Variants in CFAP300 observed in about 807,000 individuals in gnomAD.
CFAP300 encodes cilia and flagella associated protein 300, also known as cilia- and flagella-associated protein 300.
Under a neutral mutation model 33.0 loss-of-function variants are expected in CFAP300, and 32 were observed. The observed-to-expected ratio is 0.97, with a 90% confidence interval of 0.73 to 1.30. CFAP300 has a LOEUF of 1.30. CFAP300 is among the 50% of genes most tolerant of loss of function. The probability of loss-of-function intolerance (pLI) is 0.00; values close to 1 mark genes in which losing one functional copy is unlikely to be tolerated. For synonymous variants in CFAP300, 102 were observed against 106.8 expected, an observed-to-expected ratio of 0.95 and a Z score of 0.28; for missense variants, 356 against 318.1, an observed-to-expected ratio of 1.12 and a Z score of -0.90.
intron 4 of CFAP300, among the ~76,000 whole-genome samples, chr11:102,072,790 G>A (rs1224251362): frequency 1.3e-5 from 2 of 152,078 alleles, no homozygotes; most frequent in East Asian, 1.9e-4. Context: ...TTTTTTAGGA[G>A]AAGACTTTTT....
Position 102,076,024 on chromosome 11 carries a change from T to C in CFAP300, c.587T>C (p.Leu196Pro). Residue 196 changes from leucine to proline, a missense_variant, in exon 5 of 7, where the codon CTT becomes CCT. Transcript: ENST00000434758. Reference sequence around the variant, plus strand: ...AGCCCATATCTGGAAACAACAAAGCTTATCTATAAGGATCTGGTGAGGTAA... The same window carrying C: ...AGCCCATATCTGGAAACAACAAAGCCTATCTATAAGGATCTGGTGAGGTAA... ...VISPYLETTK[L>P]IYKDLVSVRK... is the part of the protein sequence containing the mutation. 6.2e-7 allele frequency: 1 copy of C among 1,612,012 alleles called. No homozygotes were observed. The highest frequency in any genetic ancestry group is 1.7e-5 in the Admixed American group (1 of 59,636).
At chr11:102,070,593 A>C (rs1942299245) in intron 4 of CFAP300, among the ~76,000 whole-genome samples, 1 of 152,050 alleles carries the variant, frequency 6.6e-6, no homozygotes, top group African/African-American at 2.4e-5. Flanking sequence ...TCCTTATACT[A>C]ACTTAGGTTT....
chr11:102,079,105 A>G (rs1200453852), intron 5 of CFAP300, among the ~76,000 whole-genome samples: 1 of 152,212 alleles, frequency 6.6e-6, no homozygotes, highest in Non-Finnish European at 1.5e-5. Context: ...CACTTTTACA[A>G]AGTTTTTTCT....
At chr11:102,063,515 A>G (rs1057174857) in intron 3 of CFAP300, among the ~76,000 whole-genome samples, 6 of 152,186 alleles carry the variant, frequency 3.9e-5, no homozygotes, top group African/African-American at 7.2e-5. Context: ...TGGACTTTAG[A>G]GTTGATACTG....
chr11:102,081,227 T>G lies in CFAP300; in HGVS notation c.621T>G (p.Asn207Lys). ...TTCCTTTTTTTAGTGTTCGAAAGAA[T>G]CCTCAAACCAAGAAAATACAGATTA... is the stretch of plus-strand genomic sequence containing the variant. ...IYKDLVSVRK[N>K]PQTKKIQITS... Residue 207 changes from asparagine (N) to lysine (K), a missense_variant, in exon 6 of 7, where the codon AAT becomes AAG. Asn to Lys is a moderately conservative substitution (Grantham distance 94). Transcript: ENST00000434758. 6.2e-7 allele frequency: 1 copy of G among 1,609,432 alleles called. No homozygotes were observed. The highest frequency in any genetic ancestry group is 8.5e-7 in the Non-Finnish European group (1 of 1,179,122).
intron 3 of CFAP300, among the ~76,000 whole-genome samples, chr11:102,064,178 T>A (rs1942190478): frequency 6.6e-6 from 1 of 152,228 alleles, no homozygotes; most frequent in South Asian, 2.1e-4. Context: ...TCATATCTCT[T>A]ATTAAGTGGT....
chr11:102,050,813 G>A (rs957171687), intron 2 of CFAP300, among the ~76,000 whole-genome samples: 3 of 152,158 alleles, frequency 2.0e-5, no homozygotes, highest in African/African-American at 4.8e-5. Context: ...TATTTTAGAA[G>A]ACCTTTTGTG....
intron 2 of CFAP300, among the ~76,000 whole-genome samples, chr11:102,050,014 G>A (rs967168339): frequency 6.6e-6 from 1 of 152,062 alleles, no homozygotes; most frequent in African/African-American, 2.4e-5. Context: ...AATTAGCTGG[G>A]TGTGGTGGCA....
At chr11:102,081,042 G>A (rs1942466331) in intron 5 of CFAP300, among the ~76,000 whole-genome samples, 173 bp from the exon 6 acceptor site, 1 of 152,082 alleles carries the variant, frequency 6.6e-6, no homozygotes, top group Admixed American at 6.6e-5. Context: ...AGTTGACCTT[G>A]CCCATTCTTG....
intron 5 of CFAP300, among the ~76,000 whole-genome samples, chr11:102,077,957 C>G (rs1358928266): frequency 6.6e-6 from 1 of 152,132 alleles, no homozygotes; most frequent in East Asian, 1.9e-4. Context: ...GTGGCACAAT[C>G]TCGACTCACT....
chr11:102,063,059 C>G (rs924949602), intron 3 of CFAP300, among the ~76,000 whole-genome samples: 1 of 152,248 alleles, frequency 6.6e-6, no homozygotes, highest in Non-Finnish European at 1.5e-5. Flanking sequence ...TCCATTTCAA[C>G]AGGCCAGATG....
chr11:102,053,414 G>T (rs980731013), intron 2 of CFAP300, among the ~76,000 whole-genome samples: 2 of 152,030 alleles, frequency 1.3e-5, no homozygotes, highest in African/African-American at 4.8e-5. Context: ...AGCTGGGCAT[G>T]GTGGCGGGTG....
chr11:102,075,579 C>T (rs1186462144), intron 4 of CFAP300, among the ~76,000 whole-genome samples: 2 of 152,028 alleles, frequency 1.3e-5, no homozygotes, highest in African/African-American at 4.8e-5. Context: ...TTTGAGGTGA[C>T]ATAACACTAA....
Position 102,081,270 on chromosome 11 carries a change from G to C in CFAP300, c.664G>C (p.Val222Leu), listed in dbSNP as rs1565399341. ...ACAGATTACCTCTTCTGTCTTTAAAGTTTCAGCTTATGTAAGTGTGAGAGA... is the reference window on the plus strand; with the variant it reads ...ACAGATTACCTCTTCTGTCTTTAAACTTTCAGCTTATGTAAGTGTGAGAGA... Reference protein sequence around the residue: ...KIQITSSVFKVSAYDSAGMCY... With the variant: ...KIQITSSVFKLSAYDSAGMCY... The change falls in exon 6 of 7, where the codon GTT becomes CTT. Residue 222 changes from valine (V) to leucine (L), a missense_variant. Physicochemically the swap from Val to Leu is conservative, Grantham distance 32 (BLOSUM62 1). Coordinates refer to ENST00000434758, the MANE Select transcript of CFAP300 (RefSeq NM_032930.3). 6.2e-7 allele frequency: 1 copy of C among 1,611,760 alleles called. No individual in the cohort carries two copies. The highest frequency in any genetic ancestry group is 8.5e-7 in the Non-Finnish European group (1 of 1,179,494).
intron 4 of CFAP300, 110 bp from the exon 5 acceptor site, chr11:102,075,763 G>C (rs770887751): frequency 1.3e-6 from 1 of 785,282 alleles, no homozygotes; most frequent in Non-Finnish European, 2.0e-6. Context: ...ACTCAAGATT[G>C]GTTCTTAAAA....
chr11:102,081,981 A>C (rs1276015338), intron 6 of CFAP300, among the ~76,000 whole-genome samples: 2 of 152,104 alleles, frequency 1.3e-5, no homozygotes, highest in Non-Finnish European at 2.9e-5. Context: ...ATATTATTAC[A>C]TTCGAAGCAG....
intron 4 of CFAP300, among the ~76,000 whole-genome samples, chr11:102,070,533 A>G (rs537651065): frequency 4.2e-4 from 64 of 151,670 alleles, no homozygotes; most frequent in African/African-American, 1.3e-3. Flanking sequence ...TTGTTTGTTT[A>G]TTTATTTATT....
intron 3 of CFAP300, among the ~76,000 whole-genome samples, chr11:102,062,394 G>T (rs1404906880): frequency 2.0e-5 from 3 of 152,182 alleles, no homozygotes; most frequent in Admixed American, 2.0e-4. Context: ...AATGATGGAT[G>T]GAAGCTTGAG....
chr11:102,078,318 A>G (rs997827659), intron 5 of CFAP300, among the ~76,000 whole-genome samples: 6 of 152,234 alleles, frequency 3.9e-5, no homozygotes, highest in Non-Finnish European at 7.3e-5. Flanking sequence ...CAACTATATT[A>G]TGTCCAAACC....
Sources: allele counts gnomAD v4.1 joint callset (sites outside exome capture counted in the v4.1 genomes callset), GRCh38; gene constraint gnomAD v4.1.1; transcripts MANE v1.5; gene names NCBI Gene and HGNC (gene_info 2026-07-23, HGNC 2026-07-21).